Variants in CRACDL observed in about 807,000 individuals in gnomAD.
The protein encoded by CRACDL is CRACD like, also known as CRACD-like protein.
In CRACDL, 26 loss-of-function variants were observed where a neutral mutation model predicts 70.6. The observed-to-expected ratio is 0.37, with a 90% CI of 0.27 to 0.51. CRACDL has a LOEUF of 0.51. Ranked by LOEUF, CRACDL falls within the 20% of genes least tolerant of loss-of-function variation. The pLI, the probability that CRACDL is intolerant of heterozygous loss-of-function variation, is 0.94. For synonymous variants in CRACDL, 618 were observed against 615.2 expected, an observed-to-expected ratio of 1.00 and a Z score of -0.07; for missense variants, 1,283 against 1,376.9, an observed-to-expected ratio of 0.93 and a Z score of 1.08.
chr2:98,845,246 G>C (rs549446139), intron 2 of CRACDL, among the ~76,000 whole-genome samples: 7 of 150,596 alleles, frequency 4.6e-5, no homozygotes, highest in African/African-American at 7.3e-5. Context: ...GCCCAGGCTG[G>C]AGTGCAGTGG....
intron 1 of CRACDL, among the ~76,000 whole-genome samples, chr2:98,870,223 G>A (rs1434004603): frequency 5.9e-5 from 9 of 152,312 alleles, no homozygotes; most frequent in Admixed American, 5.9e-4. Flanking sequence ...TGGGTGGCAG[G>A]TGCGATTCTA....
chr2:98,896,236 T>C (rs368653918), intron 1 of CRACDL, among the ~76,000 whole-genome samples: 104 of 152,234 alleles, frequency 6.8e-4, no homozygotes, highest in African/African-American at 2.4e-3. Flanking sequence ...AGGTTTCACA[T>C]GCGGGCATGA....
chr2:98,826,715 G>A (rs1315003180), intron 6 of CRACDL, among the ~76,000 whole-genome samples: 1 of 152,228 alleles, frequency 6.6e-6, no homozygotes, highest in Non-Finnish European at 1.5e-5. Flanking sequence ...AAGGCAACCA[G>A]TATTCAGTAG....
intron 1 of CRACDL, among the ~76,000 whole-genome samples, chr2:98,879,000 A>C (rs1255893422): frequency 6.6e-6 from 1 of 152,052 alleles, no homozygotes; most frequent in East Asian, 1.9e-4. Context: ...GGCCCAGTGC[A>C]CCTCACCTCC....
chr2:98,851,412 G>A (rs1403352852), intron 1 of CRACDL, among the ~76,000 whole-genome samples: 4 of 152,190 alleles, frequency 2.6e-5, no homozygotes, highest in Non-Finnish European at 4.4e-5. Flanking sequence ...GAGAGCTGTA[G>A]AGAGACCCAG....
chr2:98,891,405 A>AAAAAAAAAAGAAT, intron 1 of CRACDL, among the ~76,000 whole-genome samples: 1 of 148,060 alleles, frequency 6.8e-6, no homozygotes, highest in South Asian at 2.1e-4. Context: ...AAAAAAAAAA[A>AAAAAAAAAAGAAT]TCCAAACTTT....
intron 1 of CRACDL, among the ~76,000 whole-genome samples, chr2:98,920,856 G>A (rs111333512): frequency 2.0e-5 from 3 of 152,322 alleles, no homozygotes; most frequent in African/African-American, 7.2e-5. Flanking sequence ...CTCATATCCA[G>A]TGCTGTGCCC....
At chr2:98,805,590 T>C (rs1438780065) in intron 7 of CRACDL, among the ~76,000 whole-genome samples, 6 of 152,126 alleles carry the variant, frequency 3.9e-5, no homozygotes, top group Non-Finnish European at 8.8e-5. Context: ...TCCCCTCCTC[T>C]TGCTCCACTT....
chr2:98,888,283 T>G (rs572027479), intron 1 of CRACDL, among the ~76,000 whole-genome samples: 1 of 152,368 alleles, frequency 6.6e-6, no homozygotes, highest in African/African-American at 2.4e-5. Context: ...AATTTTTTCC[T>G]TCTAATTTAA....
At chr2:98,883,145 G>A (rs1707702652) in intron 1 of CRACDL, among the ~76,000 whole-genome samples, 1 of 152,206 alleles carries the variant, frequency 6.6e-6, no homozygotes, top group African/African-American at 2.4e-5. Context: ...AGCTGCAAGT[G>A]GTGTTTGGGA....
At chr2:98,845,627 A>G (rs1387280329) in intron 2 of CRACDL, among the ~76,000 whole-genome samples, 1 of 152,236 alleles carries the variant, frequency 6.6e-6, no homozygotes, top group Non-Finnish European at 1.5e-5. Context: ...TTTGAAAAAA[A>G]GAAAACTTAG....
intron 1 of CRACDL, among the ~76,000 whole-genome samples, chr2:98,896,938 C>T (rs1708142380): frequency 6.6e-6 from 1 of 152,146 alleles, no homozygotes; most frequent in Non-Finnish European, 1.5e-5. Flanking sequence ...GCTCACCCTT[C>T]TGGAAATATT....
intron 1 of CRACDL, among the ~76,000 whole-genome samples, chr2:98,870,805 T>C (rs1424628986): frequency 6.6e-6 from 1 of 152,112 alleles, no homozygotes; most frequent in Non-Finnish European, 1.5e-5. Flanking sequence ...CTGCCCTCTG[T>C]CAGTAGTAGG....
Position 98,916,152 on chromosome 2 carries a change from A to G in CRACDL, c.-11+19786T>C, listed in dbSNP as rs139426623. ...AGAAAAACTGTACTATGCCCACACA[A>G]TGTAATACTTCGTAGCAACAGAAAG... On this transcript the variant is annotated intron_variant, in intron 1 of 9. Transcript: ENST00000397899. 2.5e-3 allele frequency among the ~76,000 whole-genome samples: 381 copies of G among 152,352 alleles called. 4 individuals are homozygous for G. The highest frequency in any genetic ancestry group is 8.8e-3 in the African/African-American group (366 of 41,586).
Position 98,822,928 on chromosome 2 carries a change from C to T in CRACDL, c.1345G>A (p.Glu449Lys), listed in dbSNP as rs749947408. Reference sequence around the variant, plus strand: ...GCCGGCCCTGGGGGCCCCTTCTCCTCATCCGGGAGCACGGGCGGCGTCGGC... The same window carrying T: ...GCCGGCCCTGGGGGCCCCTTCTCCTTATCCGGGAGCACGGGCGGCGTCGGC... ...AEPTPPVLPD[E>K]EKGPPGPAPE... The change falls in exon 7 of 10, where the codon GAG becomes AAG. Residue 449 changes from glutamate to lysine, a missense_variant. Physicochemically the swap from Glu to Lys is moderately conservative, Grantham distance 56. Coordinates refer to ENST00000397899, the MANE Select transcript of CRACDL (RefSeq NM_207362.3). The surrounding 1 kb of genome is among the most constrained non-coding windows in gnomAD (Gnocchi z 4.9). The T allele has an allele frequency of 9.5e-6, 14 of 1,466,182 alleles. No individual in the cohort carries two copies. The highest frequency in any genetic ancestry group is 1.2e-5 in the Non-Finnish European group (13 of 1,116,238). 90.8% of individuals were successfully genotyped at this position (1,466,182 alleles called of 1,614,324 possible). A position where few individuals can be genotyped will look rare whatever the true frequency, so the allele number is the denominator to read the frequency against.
In CRACDL at chr2:98,832,449, G is replaced by T. The variant is rs550266039; in HGVS notation, c.439C>A (p.Arg147=). ...GAGCTCATGCCGGCATCCTCTCCCC[G>T]CTTGGCAGGAAGCCCCCCTGGAGGA... ...PPPPGGLPAK[R]GEDAGMSSED... The change falls in exon 5 of 10, where the codon CGG becomes AGG. Residue 147 remains arginine (R), a synonymous_variant. Coordinates refer to ENST00000397899, the MANE Select transcript of CRACDL (RefSeq NM_207362.3). The T allele has an allele frequency of 6.2e-7, 1 of 1,613,846 alleles. No homozygotes were observed. Among genetic ancestry groups the T allele is most frequent in the African/African-American group, 1.3e-5 (1 of 75,042 alleles).
chr2:98,845,757 CATAAT>C (rs76943522), intron 2 of CRACDL, among the ~76,000 whole-genome samples: 7 of 152,176 alleles, frequency 4.6e-5, no homozygotes, highest in Non-Finnish European at 8.8e-5. Flanking sequence ...TTCAGTGTCC[CATAAT>C]ATGAGAAAAT....
In CRACDL at chr2:98,794,535, T is replaced by A; in HGVS notation, c.2886A>T (p.Lys962Asn). ...GCTTTATCAGCACACTGCCCACCTA[T>A]TTTATAATCTGGGGCATGTCACTCC... is the stretch of plus-strand genomic sequence containing the variant. ...QAWSDMPQII[K>N] The change falls in exon 10 of 10, where the codon AAA (lysine) becomes AAT (asparagine). Residue 962 changes from lysine (K) to asparagine (N), a missense_variant. By Grantham distance (94) the Lys-to-Asn change is moderately conservative. Around this residue, in one of 2 missense-constraint regions of CRACDL, gnomAD observed 921 missense variants for 881.9 expected, o/e 1.04. Transcript: ENST00000397899. 1 of 1,613,978 alleles carries A rather than the reference T, an allele frequency of 6.2e-7. No homozygotes were observed.
At chr2:98,801,373 C>G (rs1704068556) in intron 7 of CRACDL, among the ~76,000 whole-genome samples, 1 of 152,216 alleles carries the variant, frequency 6.6e-6, no homozygotes, top group East Asian at 1.9e-4. Flanking sequence ...AGCAGATAAG[C>G]TGAGAAAGGG....
Sources: allele counts gnomAD v4.1 joint callset (sites outside exome capture counted in the v4.1 genomes callset), GRCh38; gene constraint gnomAD v4.1.1; regional missense constraint gnomAD v4.1.1; non-coding constraint Gnocchi (gnomAD v3.1); transcripts MANE v1.5; gene names NCBI Gene and HGNC (gene_info 2026-07-23, HGNC 2026-07-21).